Variants in KIAA1217 observed in about 807,000 individuals in gnomAD.
KIAA1217 encodes the protein KIAA1217, also known as sickle tail protein homolog.
KIAA1217 carries 88 observed loss-of-function variants against 163.9 expected under a neutral mutation model. The observed-to-expected ratio is 0.54, with a 90% CI of 0.45 to 0.64. The LOEUF (loss-of-function observed/expected upper bound fraction) is 0.64, where lower values mean the gene tolerates loss of function less well. Ranked by LOEUF, KIAA1217 falls within the 30% of genes least tolerant of loss-of-function variation. The probability of loss-of-function intolerance (pLI) is 0.00; values close to 1 mark genes in which losing one functional copy is unlikely to be tolerated. For synonymous variants in KIAA1217, 903 were observed against 923.1 expected, an observed-to-expected ratio of 0.98 and a Z score of 0.39; for missense variants, 2,372 against 2,475.0, an observed-to-expected ratio of 0.96 and a Z score of 0.88.
At chr10:24,373,189 A>G (rs186574784) in intron 2 of KIAA1217, among the ~76,000 whole-genome samples, 1 of 152,320 alleles carries the variant, frequency 6.6e-6, no homozygotes, top group East Asian at 1.9e-4. Context: ...CACTCTAAGC[A>G]TGTCACACAT....
At chr10:24,080,431 A>T (rs2061502286) in intron 2 of KIAA1217, among the ~76,000 whole-genome samples, 1 of 152,234 alleles carries the variant, frequency 6.6e-6, no homozygotes, top group South Asian at 2.1e-4. Context: ...TTCCTAAGCC[A>T]TTAATGGATC....
In KIAA1217 at chr10:23,771,946, T is replaced by G. The variant is rs141262897; in HGVS notation, c.-321+76712T>G. Among the ~76,000 whole-genome samples, 14 of 152,320 alleles carry G rather than the reference T, an allele frequency of 9.2e-5. No homozygotes were observed. The East Asian group carries it at 2.7e-3, about 29-fold the overall frequency. ...CAATTTGTCTTTTTAAATTCTATAA[T>G]GTAAAGCTTGGCAGTGAACCTCAAG... is the stretch of plus-strand genomic sequence containing the variant. On this transcript the variant is annotated intron_variant, in intron 1 of 18. Coordinates refer to the KIAA1217 transcript ENST00000376462.
chr10:24,534,739 G>A (rs1232868901), intron 16 of KIAA1217, among the ~76,000 whole-genome samples: 1 of 151,832 alleles, frequency 6.6e-6, no homozygotes, highest in Admixed American at 6.6e-5. Context: ...AAATTAGCTG[G>A]GCATGGTGGT....
chr10:24,072,720 G>A (rs188891382), intron 2 of KIAA1217, among the ~76,000 whole-genome samples: 1 of 152,254 alleles, frequency 6.6e-6, no homozygotes, highest in Admixed American at 6.5e-5. Context: ...AACCTTTGAA[G>A]AATGTTGAGA....
At chr10:24,036,943 T>G (rs1271907206) in intron 2 of KIAA1217, among the ~76,000 whole-genome samples, 1 of 152,156 alleles carries the variant, frequency 6.6e-6, no homozygotes, top group Admixed American at 6.5e-5. Context: ...CTATCCTTTC[T>G]GAATAGGCCA....
chr10:23,819,623 C>G (rs549207962), intron 1 of KIAA1217, among the ~76,000 whole-genome samples: 1 of 152,194 alleles, frequency 6.6e-6, no homozygotes, highest in Non-Finnish European at 1.5e-5. Context: ...ACACTTAGCT[C>G]CTGTAGGAAA....
At chr10:24,062,870 G>T (rs866754273) in intron 2 of KIAA1217, among the ~76,000 whole-genome samples, 143 of 152,058 alleles carry the variant, frequency 9.4e-4, no homozygotes, top group African/African-American at 3.2e-3. Flanking sequence ...GGTTTTGATT[G>T]GCATTTCTGT....
intron 6 of KIAA1217, among the ~76,000 whole-genome samples, chr10:24,493,790 CAG>C (rs1381024219): frequency 2.6e-5 from 4 of 152,256 alleles, no homozygotes; most frequent in Admixed American, 6.5e-5. Flanking sequence ...TGTTTTGAGA[CAG>C]AGTCTCACTC....
chr10:24,128,045 T>C (rs780606240), intron 2 of KIAA1217, among the ~76,000 whole-genome samples: 4 of 152,238 alleles, frequency 2.6e-5, no homozygotes, highest in Non-Finnish European at 5.9e-5. Flanking sequence ...TTAGATTAAG[T>C]ATCTACAACA....
rs760788989 is a variant in KIAA1217, at chr10:24,543,459, A to T, written c.4189A>T (p.Ser1397Cys). 5 of 1,614,026 alleles carry T rather than the reference A, an allele frequency of 3.1e-6. No individual in the cohort carries two copies. The Admixed American group carries it at 5.0e-5, about 16-fold the overall frequency. Residue 1397 changes from serine (S) to cysteine (C), a missense_variant, in exon 19 of 21, where the codon AGT becomes TGT. Around this residue, in one of 3 missense-constraint regions of KIAA1217, gnomAD observed 690 missense variants for 677.5 expected, o/e 1.02. Coordinates refer to ENST00000376454, the MANE Select transcript of KIAA1217 (RefSeq NM_019590.5). Reference sequence around the variant, plus strand: ...CGAAACCACTGTCCAGGTTCTTTCCAGTGGGGAGGTGCATGATATTGTTAG... The same window carrying T: ...CGAAACCACTGTCCAGGTTCTTTCCTGTGGGGAGGTGCATGATATTGTTAG... The part of the protein sequence containing the change: ...ITETTVQVLS[S>C]GEVHDIVSQK...
At chr10:24,433,736 A>G (rs2059789106) in intron 4 of KIAA1217, among the ~76,000 whole-genome samples, 1 of 152,114 alleles carries the variant, frequency 6.6e-6, no homozygotes, top group South Asian at 2.1e-4. Flanking sequence ...CCCTGTGGAC[A>G]TTTTAGGTAA....
chr10:24,542,711 G>A lies in KIAA1217; in HGVS notation c.3553G>A (p.Glu1185Lys). The stretch of plus-strand genomic sequence containing the variant: ...CTACCAGAATTTGGAATTTTTCCAT[G>A]AAGATGTACGGAAATCTGATGTTGA... ...KEKKNLEFFH[E>K]DVRKSDVEYE... The change falls in exon 18 of 21, where the codon GAA becomes AAA. Residue 1185 changes from glutamate to lysine, a missense_variant. Physicochemically the swap from Glu to Lys is moderately conservative, Grantham distance 56. Around this residue, in one of 3 missense-constraint regions of KIAA1217, gnomAD observed 251 missense variants for 327.3 expected, o/e 0.77. Transcript: ENST00000376454. 3.1e-6 allele frequency: 5 copies of A among 1,614,182 alleles called. No individual in the cohort carries two copies. The highest frequency in any genetic ancestry group is 4.2e-6 in the Non-Finnish European group (5 of 1,179,988).
chr10:24,275,548 G>C, intron 2 of KIAA1217: 1 of 421,958 alleles, frequency 2.4e-6, no homozygotes, highest in South Asian at 1.7e-5. Flanking sequence ...ATTAATTTGA[G>C]GGTCACAAAC....
At chr10:24,334,180 T>C (rs1263887509) in intron 2 of KIAA1217, among the ~76,000 whole-genome samples, 6 of 152,198 alleles carry the variant, frequency 3.9e-5, no homozygotes, top group Non-Finnish European at 5.9e-5. Context: ...GATGAGCCCT[T>C]TTGTCTCTTT....
At chr10:24,035,242 A>G (rs1224001341) in intron 2 of KIAA1217, among the ~76,000 whole-genome samples, 2 of 152,194 alleles carry the variant, frequency 1.3e-5, no homozygotes, top group Admixed American at 1.3e-4. Context: ...ACCATGAAGG[A>G]TAAATGACTT....
intron 2 of KIAA1217, among the ~76,000 whole-genome samples, chr10:24,321,467 AGGTTGC>A (rs2044148348): frequency 6.6e-6 from 1 of 152,116 alleles, no homozygotes; most frequent in Non-Finnish European, 1.5e-5. Context: ...CAGGAGGCAG[AGGTTGC>A]AGTGAGCCAA....
chr10:24,522,544 T>G (rs975950186), intron 12 of KIAA1217, among the ~76,000 whole-genome samples: 2 of 151,912 alleles, frequency 1.3e-5, no homozygotes, highest in Non-Finnish European at 2.9e-5. Context: ...GCATTTTGAG[T>G]GGCCTGGGCC....
chr10:24,084,675 C>T (rs2061638384), intron 2 of KIAA1217, among the ~76,000 whole-genome samples: 1 of 152,076 alleles, frequency 6.6e-6, no homozygotes, highest in Admixed American at 6.6e-5. Flanking sequence ...TACTGTGGTG[C>T]TATGGCAATG....
chr10:24,444,298 C>T (rs1261431219), intron 5 of KIAA1217, among the ~76,000 whole-genome samples: 2 of 152,142 alleles, frequency 1.3e-5, no homozygotes, highest in Admixed American at 6.6e-5. Flanking sequence ...AGGCGTGAGC[C>T]ACCATGCCCA....
Sources: allele counts gnomAD v4.1 joint callset (sites outside exome capture counted in the v4.1 genomes callset), GRCh38; gene constraint gnomAD v4.1.1; regional missense constraint gnomAD v4.1.1; transcripts MANE v1.5; gene names NCBI Gene and HGNC (gene_info 2026-07-23, HGNC 2026-07-21).